Variants in SBNO1 observed in about 807,000 individuals in gnomAD.
The protein encoded by SBNO1 is strawberry notch homolog 1.
SBNO1 carries 23 observed loss-of-function variants against 173.6 expected under a neutral mutation model. That is an observed-to-expected ratio of 0.13 (90% CI 0.10 to 0.19). SBNO1 has a LOEUF of 0.19. SBNO1 is among the 10% of genes least tolerant of loss of function. The pLI is 1.00. For synonymous variants in SBNO1, 632 were observed against 571.5 expected (o/e 1.11, Z -1.51); for missense variants, 1,238 against 1,671.2 (o/e 0.74, Z 4.52).
At chr12:123,358,123 A>G (rs9669295) in intron 1 of SBNO1, among the ~76,000 whole-genome samples, 135,455 of 152,206 alleles carry the variant, frequency 0.89, 60,400 homozygotes, top group Middle Eastern at 0.95. Context: ...ACTGGACCCA[A>G]GTCTAAACAC....
chr12:123,349,574 T>C (rs1231635855), intron 2 of SBNO1, among the ~76,000 whole-genome samples: 1 of 129,398 alleles, frequency 7.7e-6, no homozygotes, highest in Non-Finnish European at 1.5e-5. Flanking sequence ...AATGTTTTGG[T>C]TTTCATTATT....
At position 123,326,206 on chromosome 12, in the gene SBNO1, T is replaced by C. The variant is rs757795269; in HGVS notation, c.1821A>G (p.Ala607=). Residue 607 remains alanine (A), a synonymous_variant, in exon 14 of 32, where the codon GCA becomes GCG. Coordinates refer to ENST00000602398, the MANE Select transcript of SBNO1 (RefSeq NM_001167856.3). ...GTTGCACAACCCTTTTAACTTTGGA[T>C]GCTATGCATAAGTATTTGAAGAACC... ...HQRFFKYLCI[A]SKVKRVVQLA... The C allele has an allele frequency of 9.9e-6, 16 of 1,612,606 alleles. No individual in the cohort carries two copies. Among genetic ancestry groups the C allele is most frequent in the Admixed American group, 1.7e-5 (1 of 59,824 alleles).
At chr12:123,315,187 C>T (rs931568993) in intron 23 of SBNO1, among the ~76,000 whole-genome samples, 186 bp downstream of exon 23, 9 of 152,202 alleles carry the variant, frequency 5.9e-5, no homozygotes, top group African/African-American at 1.9e-4. Flanking sequence ...AACTACATTG[C>T]TGTACTGATA....
At chr12:123,296,179 A>G (rs1343754526) in intron 31 of SBNO1, 129 bp from the exon 32 acceptor site, 11 of 603,750 alleles carry the variant, frequency 1.8e-5, no homozygotes, top group African/African-American at 3.7e-5. Context: ...AAATTAAACG[A>G]CTACCTAATA....
intron 14 of SBNO1, 36 bp from the exon 15 acceptor site, chr12:123,325,635 T>C: frequency 7.6e-7 from 1 of 1,322,976 alleles, no homozygotes; most frequent in Non-Finnish European, 1.1e-6. Context: ...TTATGAATAA[T>C]AATGTTTGTG....
chr12:123,340,301 C>A (rs1046068717), intron 5 of SBNO1, among the ~76,000 whole-genome samples: 2 of 152,100 alleles, frequency 1.3e-5, no homozygotes, highest in African/African-American at 4.8e-5. Context: ...TCTAACCAGG[C>A]CGGGTGCAGT....
At chr12:123,321,773 T>C in intron 16 of SBNO1, 41 bp from the exon 17 acceptor site, 5 of 1,518,000 alleles carry the variant, frequency 3.3e-6, no homozygotes, top group Non-Finnish European at 4.6e-6. Context: ...CCAAATTCAA[T>C]GTTTCTTAAG....
At chr12:123,299,042 G>A (rs2048694736) in intron 30 of SBNO1, among the ~76,000 whole-genome samples, 2 of 152,086 alleles carry the variant, frequency 1.3e-5, no homozygotes, top group African/African-American at 4.8e-5. Flanking sequence ...GGCCAACGTG[G>A]AGAAACCTCA....
At chr12:123,340,682 AAC>A (rs900501775) in intron 5 of SBNO1, among the ~76,000 whole-genome samples, 3 of 151,934 alleles carry the variant, frequency 2.0e-5, no homozygotes, top group African/African-American at 7.3e-5. Flanking sequence ...TCCTAAAATG[AAC>A]ACAGTTATCA....
intron 3 of SBNO1, among the ~76,000 whole-genome samples, chr12:123,347,380 C>A (rs1031456714): frequency 6.6e-6 from 1 of 151,678 alleles, no homozygotes; most frequent in African/African-American, 2.4e-5. Flanking sequence ...GCGCCCGCCA[C>A]CACACCCGGC....
chr12:123,362,479 G>C (rs184219456), intron 1 of SBNO1, among the ~76,000 whole-genome samples: 1 of 148,114 alleles, frequency 6.8e-6, no homozygotes, highest in African/African-American at 2.5e-5. Flanking sequence ...GGATTCTGAC[G>C]GGGGGGCCAA....
intron 28 of SBNO1, among the ~76,000 whole-genome samples, chr12:123,306,636 C>A (rs2048921585): frequency 6.6e-6 from 1 of 152,232 alleles, no homozygotes; most frequent in African/African-American, 2.4e-5. Flanking sequence ...GAGGATGGAT[C>A]AAGCCCAGGA....
intron 1 of SBNO1, among the ~76,000 whole-genome samples, chr12:123,353,375 A>G (rs1390650646): frequency 6.6e-6 from 1 of 152,196 alleles, no homozygotes; most frequent in Non-Finnish European, 1.5e-5. Context: ...CAAACTCCCA[A>G]AATCCACGAA....
chr12:123,300,910 G>C (rs2048764685), intron 30 of SBNO1, among the ~76,000 whole-genome samples: 1 of 147,462 alleles, frequency 6.8e-6, no homozygotes. Flanking sequence ...AGTGAGCTGA[G>C]ATCGTGCCAC....
chr12:123,333,119 A>C (rs1270235730), intron 7 of SBNO1, among the ~76,000 whole-genome samples: 1 of 31,046 alleles, frequency 3.2e-5, no homozygotes, highest in East Asian at 3.8e-4. Context: ...GTGAGACTCC[A>C]TCTCAAAAAA....
chr12:123,358,742 C>CAA (rs1164585887), intron 1 of SBNO1, among the ~76,000 whole-genome samples: 33 of 78,392 alleles, frequency 4.2e-4, no homozygotes, highest in East Asian at 1.3e-3. Context: ...GACTCCGTCT[C>CAA]AAAAAAAAAA....
chr12:123,314,476 C>T (rs1007887897), intron 23 of SBNO1, among the ~76,000 whole-genome samples: 2 of 151,934 alleles, frequency 1.3e-5, no homozygotes, highest in African/African-American at 4.8e-5. Flanking sequence ...ACTACAGGCG[C>T]ACACCACCAC....
chr12:123,339,520 G>A (rs1292911785), intron 5 of SBNO1, among the ~76,000 whole-genome samples: 1 of 151,976 alleles, frequency 6.6e-6, no homozygotes, highest in Admixed American at 6.6e-5. Context: ...ATTCAGCACA[G>A]GGCACCTTGG....
chr12:123,296,555 G>GTTTTTTTTTTTTTTTTTTT (rs35125710), intron 31 of SBNO1, among the ~76,000 whole-genome samples: 1 of 140,426 alleles, frequency 7.1e-6, no homozygotes, highest in Non-Finnish European at 1.5e-5. Context: ...ATATATATGT[G>GTTTTTTTTTTTTTTTTTTT]TTTTTTTTTT....
Sources: allele counts gnomAD v4.1 joint callset (sites outside exome capture counted in the v4.1 genomes callset), GRCh38; gene constraint gnomAD v4.1.1; transcripts MANE v1.5; gene names NCBI Gene and HGNC (gene_info 2026-07-23, HGNC 2026-07-21).